CDH23: variants seen among roughly 807,000 people sequenced by gnomAD.
CDH23 encodes the protein cadherin related 23.
Under a neutral mutation model 317.1 loss-of-function variants are expected in CDH23, and 189 were observed. The observed-to-expected ratio is 0.60, with a 90% CI of 0.53 to 0.67. The LOEUF (loss-of-function observed/expected upper bound fraction) is 0.67, where lower values mean the gene tolerates loss of function less well. Among genes scored for constraint, CDH23 ranks in the 30% least tolerant of loss-of-function variants. CDH23 has a pLI of 0.00. For synonymous variants in CDH23, 1,839 were observed against 1,876.8 expected (o/e 0.98, Z 0.52); for missense variants, 4,401 against 4,592.4 (o/e 0.96, Z 1.20).
chr10:71,691,574 T>G (rs1295498060), intron 20 of CDH23, among the ~76,000 whole-genome samples: 1 of 152,216 alleles, frequency 6.6e-6, no homozygotes, highest in East Asian at 1.9e-4. Context: ...AGATGTTGAG[T>G]GACAGCCTTC....
intron 14 of CDH23, among the ~76,000 whole-genome samples, chr10:71,665,223 C>T (rs1445521056): frequency 6.6e-6 from 1 of 152,164 alleles, no homozygotes; most frequent in Non-Finnish European, 1.5e-5. Context: ...GACTTTCTCC[C>T]ACCACACCTA....
At chr10:71,654,629 C>G (rs770127665) in intron 14 of CDH23, among the ~76,000 whole-genome samples, 2 of 152,140 alleles carry the variant, frequency 1.3e-5, no homozygotes, top group Non-Finnish European at 1.5e-5. Context: ...ACAGAGGGCC[C>G]GGAGGATCCA....
chr10:71,427,259 G>A (rs1171226733), intron 1 of CDH23, among the ~76,000 whole-genome samples: 2 of 142,212 alleles, frequency 1.4e-5, no homozygotes, highest in African/African-American at 5.3e-5. Flanking sequence ...AAGAAAGAAA[G>A]AGAAAGAGAG....
intron 11 of CDH23, chr10:71,622,851 C>G (rs920147537): frequency 3.7e-5 from 29 of 786,418 alleles, no homozygotes; most frequent in Non-Finnish European, 3.9e-5. Flanking sequence ...CCACTCTCTT[C>G]CCCACCCCAG....
chr10:71,677,989 A>G (rs1864447381), intron 16 of CDH23, among the ~76,000 whole-genome samples: 1 of 152,158 alleles, frequency 6.6e-6, no homozygotes, highest in African/African-American at 2.4e-5. Flanking sequence ...CTGACCTTCT[A>G]TCCGCAAAGA....
At chr10:71,451,304 G>T (rs911301511) in intron 3 of CDH23, among the ~76,000 whole-genome samples, 2 of 152,150 alleles carry the variant, frequency 1.3e-5, no homozygotes, top group Non-Finnish European at 2.9e-5. Context: ...GCCATGGATG[G>T]CCCTGCCCAG....
At chr10:71,761,635 G>A (rs1478164253) in intron 38 of CDH23, 2 of 1,609,868 alleles carry the variant, frequency 1.2e-6, no homozygotes, top group Non-Finnish European at 1.7e-6. Flanking sequence ...CATGGACCCT[G>A]TGCTCCGAGT....
rs564144508 is a variant in CDH23 at position 71,805,242 on chromosome 10, G to A, written c.7873-564G>A. On this transcript the variant is annotated intron_variant, in intron 55 of 69. Transcript: ENST00000224721. ...GGAGACTGAGGCTCAGGGAAGTGAG[G>A]TGGCAAGTCCAGGTTCCAGGCAGGT... Among the ~76,000 whole-genome samples the A allele has an allele frequency of 3.9e-5, 6 of 152,302 alleles. No individual in the cohort carries two copies. In the South Asian group the frequency reaches 1.2e-3, roughly 32 times the overall value.
intron 28 of CDH23, chr10:71,716,477 A>G: frequency 1.5e-6 from 1 of 660,216 alleles, no homozygotes; most frequent in Non-Finnish European, 2.5e-6. Context: ...GCCACATCAC[A>G]GGTTAAGACA....
intron 14 of CDH23, among the ~76,000 whole-genome samples, chr10:71,656,239 G>A (rs1329768693): frequency 1.3e-5 from 2 of 152,196 alleles, no homozygotes; most frequent in African/African-American, 4.8e-5. Flanking sequence ...GGTCAACGCT[G>A]AAATCTGCCC....
At position 71,791,182 on chromosome 10, in the gene CDH23, C is replaced by T. The variant is rs769512993; in HGVS notation, c.6100C>T (p.Pro2034Ser). The change falls in exon 47 of 70, where the codon CCA becomes TCA. Residue 2034 changes from proline to serine, a missense_variant. By Grantham distance (74) the Pro-to-Ser change is moderately conservative. Around this residue, in one of 3 missense-constraint regions of CDH23, gnomAD observed 3,068 missense variants for 3,203.3 expected, o/e 0.96. Transcript: ENST00000224721. ...GVIIDREAFS[P>S]PILELLLLAE... ...CATCATTGACCGGGAGGCATTCTCG[C>T]CACCCATCCTGGAGCTGCTGCTGCT... 1.9e-6 allele frequency: 3 copies of T among 1,613,124 alleles called. No individual in the cohort carries two copies. In the South Asian group the frequency reaches 3.3e-5, roughly 18 times the overall value.
intron 20 of CDH23, among the ~76,000 whole-genome samples, chr10:71,693,001 G>T (rs1460309623): frequency 3.9e-5 from 6 of 152,204 alleles, no homozygotes; most frequent in African/African-American, 7.2e-5. Flanking sequence ...AAGCTTCAAA[G>T]AATTAAAATT....
chr10:71,524,976 C>A (rs940869991), intron 6 of CDH23, among the ~76,000 whole-genome samples: 1 of 152,242 alleles, frequency 6.6e-6, no homozygotes, highest in African/African-American at 2.4e-5. Flanking sequence ...AGTATAGTCT[C>A]AGCTCACTGC....
chr10:71,528,007 G>A (rs1855138736), intron 6 of CDH23, among the ~76,000 whole-genome samples: 1 of 152,066 alleles, frequency 6.6e-6, no homozygotes, highest in Admixed American at 6.5e-5. Flanking sequence ...TTACCCATCT[G>A]TGCAGTGGGG....
intron 1 of CDH23, among the ~76,000 whole-genome samples, chr10:71,420,418 GATGGTGATGA>G (rs1848707237): frequency 7.5e-5 from 5 of 66,490 alleles, no homozygotes; most frequent in African/African-American, 1.1e-4. Flanking sequence ...TGATGATGGT[GATGGTGATGA>G]TGATGATGAT....
At chr10:71,705,482 C>A (rs1347673308) in intron 25 of CDH23, among the ~76,000 whole-genome samples, 1 of 152,152 alleles carries the variant, frequency 6.6e-6, no homozygotes, top group Non-Finnish European at 1.5e-5. Context: ...GGGTGCAGAG[C>A]CCTTTGTCTT....
intron 38 of CDH23, 56 bp from the exon 39 acceptor site, chr10:71,777,624 T>A: frequency 6.7e-7 from 1 of 1,489,508 alleles, no homozygotes; most frequent in African/African-American, 1.4e-5. Flanking sequence ...GCCATCTGGA[T>A]CCACCTTGGT....
intron 36 of CDH23, 131 bp from the exon 37 acceptor site, chr10:71,740,677 GCTGGCCAGGCCACC>G: frequency 9.2e-7 from 1 of 1,083,870 alleles, no homozygotes; most frequent in South Asian, 1.5e-5. Flanking sequence ...AGAGCCCAGG[GCTGGCCAGGCCACC>G]CAGGGGTTCT....
At chr10:71,519,590 G>A (rs1854541721) in intron 6 of CDH23, among the ~76,000 whole-genome samples, 1 of 152,210 alleles carries the variant, frequency 6.6e-6, no homozygotes, top group African/African-American at 2.4e-5. Flanking sequence ...ATGGGGCTGT[G>A]CACATGTGGG....
Sources: gnomAD v4.1 joint callset for allele counts (sites outside exome capture counted in the v4.1 genomes callset) on GRCh38, gnomAD v4.1.1 for gene constraint, gnomAD v4.1.1 regional missense constraint, MANE v1.5 for transcripts, NCBI Gene and HGNC (gene_info 2026-07-23, HGNC 2026-07-21) for gene names.